The following UNC13C variants were observed in gnomAD, a reference collection of about 807,000 sequenced individuals.
The protein encoded by UNC13C is protein unc-13 homolog C.
Under a neutral mutation model 245.4 loss-of-function variants are expected in UNC13C, and 174 were observed. That is an observed-to-expected ratio of 0.71 (90% CI 0.63 to 0.80). UNC13C has a LOEUF of 0.80. Among genes scored for constraint, UNC13C ranks in the 30% least tolerant of loss-of-function variants. UNC13C has a pLI of 0.00. For synonymous variants in UNC13C, 992 were observed against 895.1 expected (o/e 1.11, Z -1.93); for missense variants, 2,829 against 2,602.9 (o/e 1.09, Z -1.89).
At chr15:53,849,586 T>G in the UNC13C span, among the ~76,000 whole-genome samples, 13 of 152,184 alleles carry the variant, frequency 8.5e-5, no homozygotes, top group African/African-American at 2.4e-4. Context: ...AGCACTTATA[T>G]ATTTTTTCTT....
chr15:54,469,387 TCCTTTC>T (rs1167821646), intron 19 of UNC13C, among the ~76,000 whole-genome samples: 3 of 151,546 alleles, frequency 2.0e-5, no homozygotes, highest in Non-Finnish European at 4.4e-5. Flanking sequence ...GATTTTTCTT[TCCTTTC>T]CCATTTGGAT....
At chr15:53,849,120 G>A in the UNC13C span, among the ~76,000 whole-genome samples, 1 of 151,686 alleles carries the variant, frequency 6.6e-6, no homozygotes, top group African/African-American at 2.4e-5. Flanking sequence ...TGAATTTCTT[G>A]TAGATAGCAT....
At chr15:54,455,630 C>T (rs1449551519) in intron 19 of UNC13C, among the ~76,000 whole-genome samples, 2 of 148,110 alleles carry the variant, frequency 1.4e-5, no homozygotes, top group Non-Finnish European at 3.0e-5. Context: ...AGCATTTTTT[C>T]ATGTTTGTTG....
chr15:53,857,190 A>G, the UNC13C span, among the ~76,000 whole-genome samples: 1 of 152,068 alleles, frequency 6.6e-6, no homozygotes, highest in Non-Finnish European at 1.5e-5. Context: ...GTCACACTGG[A>G]GTCTCTGAGC....
chr15:54,160,552 A>C (rs1258240081), intron 4 of UNC13C, among the ~76,000 whole-genome samples: 1 of 151,978 alleles, frequency 6.6e-6, no homozygotes, highest in African/African-American at 2.4e-5. Flanking sequence ...TTTTTGATTT[A>C]GAAATAGAAT....
chr15:54,271,548 T>C (rs1210098387), intron 10 of UNC13C, among the ~76,000 whole-genome samples: 1 of 152,176 alleles, frequency 6.6e-6, no homozygotes, highest in African/African-American at 2.4e-5. Flanking sequence ...AGTTAGGAGA[T>C]GACATTTTCT....
chr15:54,196,632 C>T (rs1416115051), intron 4 of UNC13C, among the ~76,000 whole-genome samples: 1 of 152,010 alleles, frequency 6.6e-6, no homozygotes, highest in Non-Finnish European at 1.5e-5. Flanking sequence ...ATATCATGAC[C>T]AAGTTAAGTT....
chr15:54,555,408 A>G (rs1897045236), intron 28 of UNC13C, 24 bp from the exon 29 acceptor site: 1 of 1,606,682 alleles, frequency 6.2e-7, no homozygotes, highest in Non-Finnish European at 8.5e-7. Flanking sequence ...TTGTTTTATA[A>G]GCAATTCTTC....
chr15:54,352,318 A>G (rs930529859), intron 17 of UNC13C, among the ~76,000 whole-genome samples: 31 of 133,830 alleles, frequency 2.3e-4, no homozygotes, highest in African/African-American at 7.9e-4. Context: ...TATATATTTT[A>G]TATAAATATA....
chr15:54,489,548 A>G (rs1893599728), intron 19 of UNC13C, among the ~76,000 whole-genome samples: 1 of 152,220 alleles, frequency 6.6e-6, no homozygotes, highest in African/African-American at 2.4e-5. Context: ...GGAAATTAGA[A>G]AGCAGAGCAC....
At chr15:54,382,105 T>C (rs2039737820) in intron 17 of UNC13C, among the ~76,000 whole-genome samples, 1 of 152,176 alleles carries the variant, frequency 6.6e-6, no homozygotes, top group Non-Finnish European at 1.5e-5. Context: ...TTGGAATCTA[T>C]ACATATACTT....
intron 2 of UNC13C, among the ~76,000 whole-genome samples, chr15:54,058,515 C>A (rs959591306): frequency 9.2e-5 from 14 of 152,188 alleles, no homozygotes; most frequent in African/African-American, 3.4e-4. Flanking sequence ...GACTCACAGC[C>A]GAATTCTACC....
chr15:53,991,699 G>A (rs1894397602), intron 1 of UNC13C, among the ~76,000 whole-genome samples: 3 of 151,988 alleles, frequency 2.0e-5, no homozygotes, highest in Admixed American at 2.0e-4. Flanking sequence ...CTCTAAGTTA[G>A]GCCTCCATGG....
At chr15:54,571,306 A>G (rs1284580218) in intron 30 of UNC13C, among the ~76,000 whole-genome samples, 1 of 152,182 alleles carries the variant, frequency 6.6e-6, no homozygotes, top group Admixed American at 6.5e-5. Context: ...GTGGCAGGCA[A>G]GAGAGTGTGT....
Position 54,264,304 on chromosome 15 carries a change from T to A in UNC13C, c.3585T>A (p.Ile1195=), listed in dbSNP as rs771368444. The A allele has an allele frequency of 6.2e-7, 1 of 1,604,102 alleles. No homozygotes were observed. The highest frequency in any genetic ancestry group is 8.5e-7 in the Non-Finnish European group (1 of 1,175,010). ...AAGTAATCCAGGAAATGTTTCAGAT[T>A]TCTAAAGAAGATTTTGTGCAGTTTA... ...VFEVIQEMFQ[I]SKEDFVQFTK... The change falls in exon 9 of 33, where the codon ATT becomes ATA. Residue 1195 remains isoleucine (I), a synonymous_variant. Coordinates refer to ENST00000260323, the MANE Select transcript of UNC13C (RefSeq NM_001080534.3).
At chr15:54,255,506 T>C (rs982802479) in intron 8 of UNC13C, among the ~76,000 whole-genome samples, 1 of 152,190 alleles carries the variant, frequency 6.6e-6, no homozygotes, top group African/African-American at 2.4e-5. Context: ...TGGTGTCCTC[T>C]CAACATCCAG....
chr15:54,610,460 T>G (rs1445013898), intron 30 of UNC13C, among the ~76,000 whole-genome samples: 1 of 152,208 alleles, frequency 6.6e-6, no homozygotes, highest in African/African-American at 2.4e-5. Flanking sequence ...GGTCTCAAAC[T>G]GATGACCTCA....
intron 19 of UNC13C, among the ~76,000 whole-genome samples, chr15:54,473,379 T>C (rs955016414): frequency 6.6e-6 from 1 of 152,062 alleles, no homozygotes; most frequent in East Asian, 1.9e-4. Flanking sequence ...ATCTTTTAGT[T>C]AGTTTGAAAT....
At position 54,555,569 on chromosome 15, in the gene UNC13C, G is replaced by T; in HGVS notation, c.5958+57G>T. 3 of 1,370,270 alleles carry T rather than the reference G, an allele frequency of 2.2e-6. 1 individual carries two copies. The South Asian group carries it at 3.8e-5, about 17-fold the overall frequency. 84.9% of individuals were successfully genotyped at this position (1,370,270 alleles called of 1,614,324 possible). A position where few individuals can be genotyped will look rare whatever the true frequency, so the allele number is the denominator to read the frequency against. ...AGAGAGGCCCCCATTTACCTCCAGA[G>T]ATAGGTAGCCCTGATCTTAGCCATG... On this transcript the variant is annotated intron_variant, in intron 29 of 32. Coordinates refer to ENST00000260323, the MANE Select transcript of UNC13C (RefSeq NM_001080534.3).
Sources: allele counts gnomAD v4.1 joint callset (sites outside exome capture counted in the v4.1 genomes callset), GRCh38; gene constraint gnomAD v4.1.1; transcripts MANE v1.5; gene names NCBI Gene and HGNC (gene_info 2026-07-23, HGNC 2026-07-21).